GPM6B: variants seen among roughly 807,000 people sequenced by gnomAD.
GPM6B encodes the protein glycoprotein M6B, also known as neuronal membrane glycoprotein M6-b.
Under a neutral mutation model 27.2 loss-of-function variants are expected in GPM6B, and 4 were observed. That is an observed-to-expected ratio of 0.15 (90% confidence interval 0.07 to 0.34). GPM6B has a LOEUF of 0.34. GPM6B is among the 10% of genes least tolerant of loss of function. The pLI is 1.00. For missense variants in GPM6B, 183 were observed against 261.9 expected (o/e 0.70, Z 2.08); for synonymous variants, 124 against 103.1 (o/e 1.20, Z -1.23).
At chrX:13,790,898 G>A (rs902424932) in intron 2 of GPM6B, among the ~76,000 whole-genome samples, 1 of 111,860 alleles carries the variant, frequency 8.9e-6, no homozygotes, top group Non-Finnish European at 1.9e-5. Context: ...TAAAGTGCTG[G>A]GAGTGCCTGT....
intron 1 of GPM6B, among the ~76,000 whole-genome samples, chrX:13,909,355 C>T (rs1415905800): frequency 1.8e-5 from 2 of 110,576 alleles, no homozygotes; most frequent in Non-Finnish European, 3.8e-5. Flanking sequence ...AACTCCTGTC[C>T]TCAAGTAATC....
intron 1 of GPM6B, among the ~76,000 whole-genome samples, chrX:13,851,330 T>G (rs2049715935): frequency 9.0e-6 from 1 of 111,116 alleles, no homozygotes; most frequent in Non-Finnish European, 1.9e-5. Context: ...TTCAGTAACT[T>G]AAACTCTAAG....
chrX:13,848,827 TG>T (rs2049680867), intron 1 of GPM6B, among the ~76,000 whole-genome samples: 1 of 112,340 alleles, frequency 8.9e-6, no homozygotes, highest in Non-Finnish European at 1.9e-5. Flanking sequence ...AACTGGTACA[TG>T]GATAAACAAA....
In GPM6B at chrX:13,805,914, C is replaced by T. The variant is rs776197393; in HGVS notation, c.181+1736G>A. Among the ~76,000 whole-genome samples the T allele has an allele frequency of 2.9e-4, 32 of 111,264 alleles. 1 individual carries two copies. Among genetic ancestry groups the T allele is most frequent in the Non-Finnish European group, 3.4e-4 (18 of 52,975 alleles). On this transcript the variant is annotated intron_variant, in intron 2 of 7. Transcript: ENST00000316715. ...GCAGTTGTTTCTGATAACTTGGGGG[C>T]TTCTTGTTATGTTAAAAAATACCCC...
chrX:13,783,935 A>G (rs1382755551), intron 3 of GPM6B: 5 of 320,199 alleles, frequency 1.6e-5, no homozygotes. Context: ...CTGCCCTTTC[A>G]AAATGCCTCC....
chrX:13,775,734 T>A (rs1392547565), intron 7 of GPM6B, among the ~76,000 whole-genome samples: 1 of 112,523 alleles, frequency 8.9e-6, no homozygotes, highest in Non-Finnish European at 1.9e-5. Context: ...GACCAGAGGC[T>A]CACAGAAACC....
chrX:13,917,022 G>A (rs2050436645), intron 1 of GPM6B, among the ~76,000 whole-genome samples: 1 of 110,740 alleles, frequency 9.0e-6, no homozygotes, highest in African/African-American at 3.3e-5. Context: ...GATCAGCCTG[G>A]ACAACATGGC....
chrX:13,846,030 A>G (rs923875012), intron 1 of GPM6B, among the ~76,000 whole-genome samples: 1 of 111,390 alleles, frequency 9.0e-6, no homozygotes, highest in African/African-American at 3.3e-5. Context: ...GACAGAAAAG[A>G]ATGCCAAAAC....
intron 7 of GPM6B, chrX:13,774,310 A>ACTGT (rs1352321902): frequency 6.5e-5 from 62 of 951,669 alleles, no homozygotes; most frequent in Non-Finnish European, 1.6e-5. Flanking sequence ...GATGCTCACC[A>ACTGT]CTGTCAGTAA....
chrX:13,783,757 G>A (rs748069185), intron 3 of GPM6B: 1 of 466,617 alleles, frequency 2.1e-6, no homozygotes, highest in Non-Finnish European at 3.9e-6. Flanking sequence ...GCAGCATCCA[G>A]TTGTAATCTT....
chrX:13,815,041 C>T (rs1289179838), intron 1 of GPM6B, among the ~76,000 whole-genome samples: 2 of 111,824 alleles, frequency 1.8e-5, no homozygotes, highest in Non-Finnish European at 3.8e-5. Flanking sequence ...GATGTACTAG[C>T]AACCTGTAGA....
chrX:13,934,564 A>C (rs1921734378), intron 1 of GPM6B, among the ~76,000 whole-genome samples: 1 of 111,931 alleles, frequency 8.9e-6, no homozygotes, highest in Non-Finnish European at 1.9e-5. Context: ...CTTGGAGAAG[A>C]GCCAATCATA....
chrX:13,927,165 T>TG (rs1921258643), intron 1 of GPM6B, among the ~76,000 whole-genome samples: 2 of 102,685 alleles, frequency 1.9e-5, no homozygotes, highest in South Asian at 8.6e-4. Flanking sequence ...AAATTCAACA[T>TG]AAAAAAAAAA....
At position 13,825,029 on chromosome X, in the gene GPM6B, CTGTG is replaced by C. The variant is rs202211925; in HGVS notation, c.-197-39225_-197-39222del. Among the ~76,000 whole-genome samples, 914 of 112,073 alleles carry C rather than the reference CTGTG, an allele frequency of 8.2e-3. 8 individuals are homozygous for C. The highest frequency in any genetic ancestry group is 0.029 in the African/African-American group (885 of 30,816). ...CCTCCGTCATCACATGGTGTCCTCT[CTGTG>C]TGTGTATGTCTGTGTCTCTTCTTAT... On this transcript the variant is annotated intron_variant, in intron 1 of 6. Coordinates refer to the GPM6B transcript ENST00000398361.
intron 1 of GPM6B, among the ~76,000 whole-genome samples, chrX:13,931,482 C>T (rs765056851): frequency 0.016 from 1,668 of 106,057 alleles, 19 homozygotes; most frequent in Non-Finnish European, 0.025. Flanking sequence ...AGTGAGACTC[C>T]TTCTCAAAAA....
Position 13,842,465 on chromosome X carries a change from C to T in GPM6B, c.-197-56657G>A, listed in dbSNP as rs1251391663. Among the ~76,000 whole-genome samples the T allele has an allele frequency of 2.7e-5, 3 of 111,548 alleles. 1 individual carries two copies. The highest frequency in any genetic ancestry group is 5.6e-5 in the Non-Finnish European group (3 of 53,141). ...AGAAACACTAAGTAGTTCTCAATTT[C>T]CCCCTGTGGTTTATGAAGCCCAGGG... On this transcript the variant is annotated intron_variant, in intron 1 of 6. Coordinates refer to the GPM6B transcript ENST00000398361.
At position 13,772,634 on chromosome X, in the gene GPM6B, G is replaced by C; in HGVS notation, c.*247C>G. The C allele has an allele frequency of 3.1e-6, 1 of 319,056 alleles. No homozygotes were observed. Among genetic ancestry groups the C allele is most frequent in the Non-Finnish European group, 5.5e-6 (1 of 180,393 alleles). 26.3% of individuals were successfully genotyped at this position (319,056 alleles called of 1,213,427 possible). ...AACATGCCACAAATTCCCAAAGTAT[G>C]AACGATCATTTTGTCAAAGTGTTGC... On this transcript the variant is annotated 3_prime_UTR_variant, in exon 8 of 8. Transcript: ENST00000316715.
intron 1 of GPM6B, among the ~76,000 whole-genome samples, chrX:13,838,708 G>A (rs986894849): frequency 8.9e-6 from 1 of 111,813 alleles, no homozygotes; most frequent in African/African-American, 3.3e-5. Flanking sequence ...CCCAAAGGGA[G>A]GAAGGGGAGG....
At chrX:13,907,003 T>C (rs1328798373) in intron 1 of GPM6B, among the ~76,000 whole-genome samples, 2 of 112,608 alleles carry the variant, frequency 1.8e-5, no homozygotes, top group Middle Eastern at 4.6e-3. Context: ...ATAAATATGA[T>C]GGAATAAATA....
Sources: allele counts gnomAD v4.1 joint callset (sites outside exome capture counted in the v4.1 genomes callset), GRCh38; gene constraint gnomAD v4.1.1; transcripts MANE v1.5; gene names NCBI Gene and HGNC (gene_info 2026-07-23, HGNC 2026-07-21).